Variants in KCNH7 observed in about 807,000 individuals in gnomAD.
The protein encoded by KCNH7 is voltage-gated inwardly rectifying potassium channel KCNH7.
In KCNH7, 49 loss-of-function variants were observed where a neutral mutation model predicts 120.8. The observed-to-expected ratio is 0.41, with a 90% CI of 0.32 to 0.51. The LOEUF is 0.51. Ranked by LOEUF, KCNH7 falls within the 20% of genes least tolerant of loss-of-function variation. The pLI is 0.38. For missense variants in KCNH7, 1,097 were observed against 1,446.6 expected (o/e 0.76, Z 3.92); for synonymous variants, 547 against 516.1 (o/e 1.06, Z -0.81).
intron 2 of KCNH7, among the ~76,000 whole-genome samples, chr2:162,729,985 G>T (rs1687668069): frequency 1.3e-5 from 2 of 151,204 alleles, no homozygotes; most frequent in South Asian, 4.2e-4. Context: ...TATAGAATAA[G>T]AAATTGAAAA....
At chr2:162,780,172 TCCA>T (rs1683420717) in intron 2 of KCNH7, among the ~76,000 whole-genome samples, 1 of 152,186 alleles carries the variant, frequency 6.6e-6, no homozygotes, top group African/African-American at 2.4e-5. Context: ...TCAGTAGTAA[TCCA>T]CAGACACAGG....
At chr2:162,386,460 A>T (rs974176814) in intron 12 of KCNH7, among the ~76,000 whole-genome samples, 1 of 151,894 alleles carries the variant, frequency 6.6e-6, no homozygotes, top group African/African-American at 2.4e-5. Flanking sequence ...TGTGAAAAAA[A>T]CGAAAGTTTC....
Position 162,446,228 on chromosome 2 carries a change from A to G in KCNH7, c.1344T>C (p.Cys448=). The change falls in exon 7 of 16, where the codon TGT becomes TGC. Residue 448 remains cysteine, a synonymous_variant. Transcript: ENST00000332142. ...TCAAGTCTACCACATTCAAAGGGCT[A>G]CAAGAATAGCCACATTCTCGTCTTT... ...EQKRRECGYS[C]SPLNVVDLIV... 1.2e-6 allele frequency: 2 copies of G among 1,613,868 alleles called. No homozygotes were observed. Among genetic ancestry groups the G allele is most frequent in the Non-Finnish European group, 1.7e-6 (2 of 1,179,798 alleles).
chr2:162,681,975 T>C (rs927865223), intron 2 of KCNH7, among the ~76,000 whole-genome samples: 2 of 151,714 alleles, frequency 1.3e-5, no homozygotes, highest in Admixed American at 1.3e-4. Context: ...AGGAAATTAA[T>C]TTTTTCTGTG....
At chr2:162,469,003 A>T (rs757684259) in intron 6 of KCNH7, among the ~76,000 whole-genome samples, 6 of 152,130 alleles carry the variant, frequency 3.9e-5, no homozygotes, top group Non-Finnish European at 2.9e-5. Flanking sequence ...GGTGCATACC[A>T]CCACATCTGC....
At chr2:162,438,045 A>T (rs1688303729) in intron 7 of KCNH7, among the ~76,000 whole-genome samples, 1 of 152,184 alleles carries the variant, frequency 6.6e-6, no homozygotes, top group Admixed American at 6.6e-5. Context: ...AGAAATCAGA[A>T]ATATTTGAGA....
intron 6 of KCNH7, among the ~76,000 whole-genome samples, chr2:162,487,124 A>G (rs1368030970): frequency 6.6e-6 from 1 of 152,152 alleles, no homozygotes; most frequent in African/African-American, 2.4e-5. Flanking sequence ...AATGAAAGTA[A>G]GCTTGTTTCT....
At chr2:162,685,442 T>C (rs1685856117) in intron 2 of KCNH7, among the ~76,000 whole-genome samples, 1 of 152,046 alleles carries the variant, frequency 6.6e-6, no homozygotes, top group Non-Finnish European at 1.5e-5. Context: ...TACAAGGTAA[T>C]ATCCAATAAA....
intron 2 of KCNH7, among the ~76,000 whole-genome samples, chr2:162,548,203 T>C (rs962362256): frequency 1.3e-5 from 2 of 152,222 alleles, no homozygotes; most frequent in Non-Finnish European, 2.9e-5. Flanking sequence ...GTGTCATGTT[T>C]AGCATTGTCC....
chr2:162,515,480 G>GAAA (rs1691251707), intron 4 of KCNH7, among the ~76,000 whole-genome samples: 1 of 151,762 alleles, frequency 6.6e-6, no homozygotes, highest in South Asian at 2.1e-4. Context: ...TTTCAAATTT[G>GAAA]TTGTTTTTGA....
chr2:162,702,863 T>C (rs1046458634), intron 2 of KCNH7, among the ~76,000 whole-genome samples: 1 of 152,172 alleles, frequency 6.6e-6, no homozygotes, highest in African/African-American at 2.4e-5. Flanking sequence ...ATAGGAATTA[T>C]AAATCTCTGA....
chr2:162,727,944 C>A (rs529805507), intron 2 of KCNH7, among the ~76,000 whole-genome samples: 52 of 152,094 alleles, frequency 3.4e-4, no homozygotes, highest in African/African-American at 1.3e-3. Flanking sequence ...TATGCAAAAG[C>A]TACTCACTGT....
intron 2 of KCNH7, among the ~76,000 whole-genome samples, chr2:162,709,617 T>A (rs1413999247): frequency 6.6e-6 from 1 of 152,132 alleles, no homozygotes; most frequent in Non-Finnish European, 1.5e-5. Flanking sequence ...TGTCCCTCTC[T>A]TCTTTTGTAA....
chr2:162,684,355 T>C (rs1234617693), intron 2 of KCNH7, among the ~76,000 whole-genome samples: 1 of 152,116 alleles, frequency 6.6e-6, no homozygotes, highest in East Asian at 1.9e-4. Context: ...GAATGACATC[T>C]AATTAAACTA....
chr2:162,400,550 G>A, intron 9 of KCNH7, 109 bp from the exon 10 acceptor site: 3 of 1,085,068 alleles, frequency 2.8e-6, no homozygotes, highest in Non-Finnish European at 2.7e-6. Context: ...TTGCCACGCA[G>A]GAGTTCCTAC....
intron 2 of KCNH7, among the ~76,000 whole-genome samples, chr2:162,584,489 A>C (rs12467331): frequency 0.044 from 6,686 of 152,224 alleles, 295 homozygotes; most frequent in East Asian, 0.11. Flanking sequence ...CCCCAGGTAC[A>C]ACCTAAAGTG....
intron 2 of KCNH7, among the ~76,000 whole-genome samples, chr2:162,568,515 T>A (rs769649943): frequency 6.6e-6 from 1 of 152,022 alleles, no homozygotes; most frequent in African/African-American, 2.4e-5. Flanking sequence ...ATTTGTACAA[T>A]TTTTATTTCC....
chr2:162,684,645 G>C (rs978844543), intron 2 of KCNH7, among the ~76,000 whole-genome samples: 1 of 152,136 alleles, frequency 6.6e-6, no homozygotes, highest in East Asian at 1.9e-4. Flanking sequence ...AAACCACAAT[G>C]AGATGCCATC....
At chr2:162,670,490 A>AG (rs1466155449) in intron 2 of KCNH7, among the ~76,000 whole-genome samples, 1 of 151,098 alleles carries the variant, frequency 6.6e-6, no homozygotes, top group Non-Finnish European at 1.5e-5. Context: ...AAAAAAAAAA[A>AG]AAGAAAAATA....
Sources: gnomAD v4.1 joint callset for allele counts (sites outside exome capture counted in the v4.1 genomes callset) on GRCh38, gnomAD v4.1.1 for gene constraint, MANE v1.5 for transcripts, NCBI Gene and HGNC (gene_info 2026-07-23, HGNC 2026-07-21) for gene names.